The following NDUFA10 variants were observed in gnomAD, a reference collection of about 807,000 sequenced individuals.
NDUFA10 encodes the protein NADH dehydrogenase [ubiquinone] 1 alpha subcomplex subunit 10, mitochondrial.
In NDUFA10, 40 loss-of-function variants were observed where a neutral mutation model predicts 47.8. The observed-to-expected ratio is 0.84, with a 90% CI of 0.65 to 1.09. The LOEUF is 1.09. Among genes scored for constraint, NDUFA10 ranks in the 50% least tolerant of loss-of-function variants. The pLI is 0.00. For synonymous variants in NDUFA10, 183 were observed against 172.2 expected (o/e 1.06, Z -0.49); for missense variants, 413 against 451.1 (o/e 0.92, Z 0.76).
intron 4 of NDUFA10, among the ~76,000 whole-genome samples, chr2:239,926,373 G>A (rs763972573): frequency 3.9e-5 from 6 of 152,182 alleles, no homozygotes; most frequent in Non-Finnish European, 7.3e-5. Flanking sequence ...GTGGTCCCAT[G>A]AGACTATAAT....
At chr2:239,954,104 G>A (rs1694608185), downstream of NDUFA10, among the ~76,000 whole-genome samples, 1 of 149,948 alleles carries the variant, frequency 6.7e-6, no homozygotes, top group Non-Finnish European at 1.5e-5. Context: ...CACCTGCCAG[G>A]CCAGCTGAGT....
rs111348073 is a variant in NDUFA10 at position 239,975,181 on chromosome 2, C to T, written c.1000-13995G>A. ...AAAAATATGTGACACTCTGCTGCCC[C>T]ATTCTCTTGCTCCTGCCTTATTAGG... On this transcript the variant is annotated intron_variant, in intron 9 of 9. Transcript: ENST00000252711. Among the ~76,000 whole-genome samples the T allele has an allele frequency of 8.4e-3, 1,287 of 152,352 alleles. 18 individuals are homozygous for T. Among genetic ancestry groups the T allele is most frequent in the African/African-American group, 0.03 (1,228 of 41,568 alleles).
At position 240,017,189 on chromosome 2, in the gene NDUFA10, C is replaced by T. The variant is rs1197450892; in HGVS notation, c.547+1364G>A. ...CACATCTAACCATGTCTCTGCCATG[C>T]TAAAAATCCTCCAGTGGTCCCTCAC... On this transcript the variant is annotated intron_variant, in intron 4 of 9. Transcript: ENST00000252711. Among the ~76,000 whole-genome samples the T allele has an allele frequency of 3.9e-5, 6 of 152,216 alleles. No homozygotes were observed. The South Asian group carries it at 8.3e-4, about 21-fold the overall frequency.
At chr2:239,910,572 G>A (rs1022342226) in intron 4 of NDUFA10, among the ~76,000 whole-genome samples, 1 of 152,078 alleles carries the variant, frequency 6.6e-6, no homozygotes, top group Non-Finnish European at 1.5e-5. Context: ...GGGGGGTGTT[G>A]AGGAAGGGAG....
At chr2:239,943,396 G>A (rs1694393278) in intron 4 of NDUFA10, among the ~76,000 whole-genome samples, 2 of 152,258 alleles carry the variant, frequency 1.3e-5, no homozygotes, top group East Asian at 1.9e-4. Context: ...GTGCAGTGGC[G>A]CAATCAGAGC....
intron 4 of NDUFA10, among the ~76,000 whole-genome samples, chr2:239,951,633 C>A (rs999132948): frequency 6.6e-6 from 1 of 152,118 alleles, no homozygotes; most frequent in Admixed American, 6.5e-5. Flanking sequence ...CACAGCCGGG[C>A]GTGGAGAGTC....
At chr2:239,980,953 C>CAG (rs895192950) in intron 9 of NDUFA10, among the ~76,000 whole-genome samples, 1 of 152,170 alleles carries the variant, frequency 6.6e-6, no homozygotes, top group African/African-American at 2.4e-5. Context: ...AATTCGTAAC[C>CAG]AGAGCTTCTC....
At chr2:239,936,941 CAGAG>C (rs1231795723) in intron 4 of NDUFA10, among the ~76,000 whole-genome samples, 1 of 152,166 alleles carries the variant, frequency 6.6e-6, no homozygotes, top group Non-Finnish European at 1.5e-5. Flanking sequence ...GCCTGGGTGA[CAGAG>C]AGAGACCCTG....
At chr2:239,989,915 G>A (rs527893567) in intron 9 of NDUFA10, among the ~76,000 whole-genome samples, 159 bp downstream of exon 9, 157 of 152,282 alleles carry the variant, frequency 1.0e-3, no homozygotes, top group African/African-American at 3.5e-3. Context: ...ACAGAAATAC[G>A]GGGAAAAGGG....
chr2:240,005,261 T>C lies in NDUFA10; in HGVS notation c.839A>G (p.Lys280Arg). ...ATTGTCCTGCTTGAGCCACGGCCCT[T>C]TATCGAACTTCAGGTATTCAATGTC... ...VEDIEYLKFD[K>R]GPWLKQDNRT... The change falls in exon 8 of 10, where the codon AAA becomes AGA. Residue 280 changes from lysine (K) to arginine (R), a missense_variant. Lys to Arg is a conservative substitution (Grantham distance 26). Coordinates refer to ENST00000252711, the MANE Select transcript of NDUFA10 (RefSeq NM_004544.4). 6.2e-7 allele frequency: 1 copy of C among 1,614,074 alleles called. No homozygotes were observed.
intron 4 of NDUFA10, among the ~76,000 whole-genome samples, chr2:239,931,905 G>A (rs1043446025): frequency 3.1e-5 from 4 of 130,960 alleles, no homozygotes; most frequent in South Asian, 2.3e-4. Context: ...GTGCGATCTC[G>A]GCTCACTGCA....
At chr2:239,898,801 G>A (rs541188993) in intron 4 of NDUFA10, among the ~76,000 whole-genome samples, 16 of 152,344 alleles carry the variant, frequency 1.1e-4, no homozygotes, top group Non-Finnish European at 2.2e-4. Context: ...AAGGACCACA[G>A]AAGAATAACT....
chr2:239,977,293 G>A (rs955031984), intron 9 of NDUFA10, among the ~76,000 whole-genome samples: 23 of 152,168 alleles, frequency 1.5e-4, no homozygotes, highest in Non-Finnish European at 2.4e-4. Context: ...CCTGGGATCC[G>A]GAGCCCCATG....
intron 4 of NDUFA10, among the ~76,000 whole-genome samples, chr2:239,910,736 AAT>A (rs1693738730): frequency 1.3e-5 from 2 of 152,224 alleles, no homozygotes; most frequent in African/African-American, 2.4e-5. Flanking sequence ...GGAAGAAAAA[AAT>A]AATAATCATG....
chr2:239,984,338 G>A (rs79609137), intron 9 of NDUFA10, among the ~76,000 whole-genome samples: 17,965 of 152,174 alleles, frequency 0.12, 1,249 homozygotes, highest in South Asian at 0.16. Flanking sequence ...GAAACTGGAT[G>A]TGAGATATGA....
At chr2:239,909,950 A>G (rs1693720575) in intron 4 of NDUFA10, among the ~76,000 whole-genome samples, 1 of 151,040 alleles carries the variant, frequency 6.6e-6, no homozygotes, top group East Asian at 2.0e-4. Context: ...CAGCAAACAT[A>G]TGAAAAAAAA....
At chr2:240,022,512 T>C (rs1697665900) in intron 1 of NDUFA10, among the ~76,000 whole-genome samples, 172 bp from the exon 2 acceptor site, 1 of 152,172 alleles carries the variant, frequency 6.6e-6, no homozygotes, top group South Asian at 2.1e-4. Flanking sequence ...CACCACTCTG[T>C]CCATGTAAGT....
chr2:239,934,108 G>T (rs116638889), intron 4 of NDUFA10, among the ~76,000 whole-genome samples: 1,935 of 152,242 alleles, frequency 0.013, 51 homozygotes, highest in African/African-American at 0.044. Context: ...CCTCCTGCTG[G>T]CCTCAAGCAA....
intron 4 of NDUFA10, among the ~76,000 whole-genome samples, chr2:239,920,717 T>C (rs1559282606): frequency 6.6e-6 from 1 of 152,182 alleles, no homozygotes; most frequent in Non-Finnish European, 1.5e-5. Flanking sequence ...CTCCCAGGCC[T>C]TTTGCGTGAC....
Sources: allele counts gnomAD v4.1 joint callset (sites outside exome capture counted in the v4.1 genomes callset), GRCh38; gene constraint gnomAD v4.1.1; transcripts MANE v1.5; gene names NCBI Gene and HGNC (gene_info 2026-07-23, HGNC 2026-07-21).